CARD19: variants seen among roughly 807,000 people sequenced by gnomAD.
The protein encoded by CARD19 is caspase recruitment domain family member 19.
A neutral mutation model predicts 24.1 loss-of-function variants in CARD19; 25 were observed. The ratio of observed to expected loss-of-function variants is 1.04; its 90% CI spans 0.76 to 1.45. The LOEUF is 1.45. Ranked by LOEUF, CARD19 falls within the 40% of genes most tolerant of loss-of-function variation. The probability of loss-of-function intolerance (pLI) is 0.00; values close to 1 mark genes in which losing one functional copy is unlikely to be tolerated. For missense variants in CARD19, 241 were observed against 247.4 expected (o/e 0.97, Z 0.17); for synonymous variants, 103 against 104.9 (o/e 0.98, Z 0.11).
chr9:93,108,473 C>G (rs769176362), intron 2 of CARD19, among the ~76,000 whole-genome samples: 32 of 152,070 alleles, frequency 2.1e-4, no homozygotes, highest in Non-Finnish European at 2.9e-5. Flanking sequence ...CCTCAGAACC[C>G]CAGCCTCCCC....
intron 1 of CARD19, among the ~76,000 whole-genome samples, chr9:93,105,860 C>A (rs772809944): frequency 6.7e-4 from 102 of 152,040 alleles, no homozygotes; most frequent in Non-Finnish European, 1.0e-3. Context: ...GTCCTGTTTC[C>A]TCATTTATCT....
In CARD19 at chr9:93,096,250, C is replaced by A. The variant is rs1055321855; in HGVS notation, c.-96C>A. ...GCGGGCGAGCACGGCCCGCGGGCGGCGTTCGCTGGAGCTGGTGGACCGGGC... is the reference window on the plus strand; with the variant it reads ...GCGGGCGAGCACGGCCCGCGGGCGGAGTTCGCTGGAGCTGGTGGACCGGGC... On this transcript the variant is annotated 5_prime_UTR_variant, in exon 1 of 6. Coordinates refer to ENST00000375464, the MANE Select transcript of CARD19 (RefSeq NM_032310.5). This position sits in a 1 kb window ranked among gnomAD's most constrained non-coding sequence, Gnocchi z 5.4. 4.7e-5 allele frequency: 56 copies of A among 1,181,068 alleles called. No individual in the cohort carries two copies. Among genetic ancestry groups the A allele is most frequent in the Non-Finnish European group, 5.9e-5 (56 of 944,908 alleles). 73.2% of individuals were successfully genotyped at this position (1,181,068 alleles called of 1,614,324 possible).
intron 1 of CARD19, among the ~76,000 whole-genome samples, chr9:93,102,806 C>T (rs1450910119): frequency 6.6e-6 from 1 of 152,140 alleles, no homozygotes; most frequent in African/African-American, 2.4e-5. Context: ...GTAGTGCTTG[C>T]AGCAATGTTT....
At chr9:93,107,104 G>A (rs1587645584) in intron 1 of CARD19, among the ~76,000 whole-genome samples, 1 of 152,256 alleles carries the variant, frequency 6.6e-6, no homozygotes, top group Non-Finnish European at 1.5e-5. Flanking sequence ...GTGTCCCATG[G>A]TGATCCCAGC....
chr9:93,100,224 G>A (rs980153643), intron 1 of CARD19, among the ~76,000 whole-genome samples: 1 of 152,268 alleles, frequency 6.6e-6, no homozygotes, highest in Admixed American at 6.5e-5. Flanking sequence ...ACATGACAAA[G>A]TAAAACAGTC....
Position 93,096,219 on chromosome 9 carries a change from A to G in CARD19, c.-127A>G. 1.9e-6 allele frequency: 2 copies of G among 1,051,128 alleles called. No individual in the cohort carries two copies. 65.1% of individuals were successfully genotyped at this position (1,051,128 alleles called of 1,614,324 possible). A position where few individuals can be genotyped will look rare whatever the true frequency, so the allele number is the denominator to read the frequency against. On this transcript the variant is annotated 5_prime_UTR_variant, in exon 1 of 6. Transcript: ENST00000375464. The surrounding 1 kb of genome is among the most constrained non-coding windows in gnomAD (Gnocchi z 5.4). ...CAAAGCCGGGGGGCTGGCCTAGCCA[A>G]AAGGGGCGGGCGAGCACGGCCCGCG...
chr9:93,099,565 G>A (rs773204197), intron 1 of CARD19, among the ~76,000 whole-genome samples: 5 of 152,204 alleles, frequency 3.3e-5, no homozygotes, highest in African/African-American at 4.8e-5. Flanking sequence ...TGTAGGTGAC[G>A]TAGGGCTCAC....
Position 93,096,334 on chromosome 9 carries a change from GT to G in CARD19, c.-11del. ...ACCGCTGGGGACTGCGGGCGGCGCTGTGTCCGTCGCCATGACAGGTGGGCAC... is the reference window on the plus strand; with the variant it reads ...ACCGCTGGGGACTGCGGGCGGCGCTGGTCCGTCGCCATGACAGGTGGGCAC... On this transcript the variant is annotated 5_prime_UTR_variant, in exon 1 of 6. Coordinates refer to ENST00000375464, the MANE Select transcript of CARD19 (RefSeq NM_032310.5). This position sits in a 1 kb window ranked among gnomAD's most constrained non-coding sequence, Gnocchi z 5.4. The G allele has an allele frequency of 8.2e-7, 1 of 1,225,914 alleles. No individual in the cohort carries two copies. Among genetic ancestry groups the G allele is most frequent in the East Asian group, 3.2e-5 (1 of 31,246 alleles). The allele number at this position is 1,225,914 out of a possible 1,614,324, so 75.9% of individuals were successfully genotyped here. A position where few individuals can be genotyped will look rare whatever the true frequency, so the allele number is the denominator to read the frequency against.
intron 1 of CARD19, among the ~76,000 whole-genome samples, chr9:93,100,183 C>G (rs545754831): frequency 1.4e-4 from 22 of 152,298 alleles, no homozygotes; most frequent in Admixed American, 1.2e-3. Flanking sequence ...TACAGAAAGA[C>G]CAGCCAGGAG....
At chr9:93,107,605 C>T in intron 1 of CARD19, 69 bp from the exon 2 acceptor site, 1 of 1,570,640 alleles carries the variant, frequency 6.4e-7, no homozygotes, top group Non-Finnish European at 8.7e-7. Flanking sequence ...TGGTCAGTGT[C>T]AGTACGAGGC....
intron 3 of CARD19, 47 bp from the exon 4 acceptor site, chr9:93,111,832 T>C (rs1246340044): frequency 1.3e-6 from 2 of 1,597,142 alleles, no homozygotes; most frequent in East Asian, 2.3e-5. Flanking sequence ...TACCTTGCCC[T>C]CCGGCCCTGC....
In CARD19 at chr9:93,111,898, G is replaced by C. The variant is rs747635430; in HGVS notation, c.324G>C (p.Glu108Asp). The C allele has an allele frequency of 7.4e-6, 12 of 1,611,848 alleles. No homozygotes were observed. The highest frequency in any genetic ancestry group is 9.3e-6 in the Non-Finnish European group (11 of 1,179,830). The change falls in exon 4 of 6, where the codon GAG (glutamate) becomes GAC (aspartate). Residue 108 changes from glutamate (E) to aspartate (D), a missense_variant. Physicochemically the swap from Glu to Asp is conservative, Grantham distance 45. Coordinates refer to ENST00000375464, the MANE Select transcript of CARD19 (RefSeq NM_032310.5). Reference protein sequence around the residue: ...RHALQNSDCTELDSGSQSGEL... With the variant: ...RHALQNSDCTDLDSGSQSGEL... Reference sequence around the variant, plus strand: ...TTCCAGAGAACTCAGATTGCACAGAGCTAGACTCGGGCAGCCAGAGCGGCG... The same window carrying C: ...TTCCAGAGAACTCAGATTGCACAGACCTAGACTCGGGCAGCCAGAGCGGCG...
intron 3 of CARD19, chr9:93,111,481 C>A (rs1216727901): frequency 9.2e-7 from 1 of 1,089,168 alleles, no homozygotes; most frequent in Non-Finnish European, 1.1e-6. Context: ...TCTCTGACCC[C>A]CTGGAGGCCT....
At chr9:93,105,525 C>CAT (rs1827223293) in intron 1 of CARD19, among the ~76,000 whole-genome samples, 1 of 152,170 alleles carries the variant, frequency 6.6e-6, no homozygotes, top group Admixed American at 6.5e-5. Context: ...AAGTGATCTG[C>CAT]CTGCCTTAGC....
intron 5 of CARD19, 47 bp downstream of exon 5, chr9:93,112,336 C>T: frequency 6.6e-7 from 1 of 1,507,312 alleles, no homozygotes; most frequent in Non-Finnish European, 8.9e-7. Context: ...CTCCCCTCTG[C>T]CACCAAGCCA....
At chr9:93,097,822 G>A (rs894968550) in intron 1 of CARD19, among the ~76,000 whole-genome samples, 2 of 152,234 alleles carry the variant, frequency 1.3e-5, no homozygotes, top group African/African-American at 2.4e-5. Context: ...CTGACTATAG[G>A]CCTCACCTTG....
intron 1 of CARD19, among the ~76,000 whole-genome samples, chr9:93,106,580 A>AAAC (rs1827268271): frequency 6.6e-6 from 1 of 150,826 alleles, no homozygotes; most frequent in African/African-American, 2.5e-5. Flanking sequence ...AAAAAAACAA[A>AAAC]AAAAAAAAAA....
intron 1 of CARD19, among the ~76,000 whole-genome samples, chr9:93,104,127 G>A (rs890399174): frequency 6.6e-6 from 1 of 151,980 alleles, no homozygotes; most frequent in African/African-American, 2.4e-5. Flanking sequence ...ATTGATTTTT[G>A]ATTTGTACAT....
At chr9:93,105,144 G>A (rs1026940056) in intron 1 of CARD19, among the ~76,000 whole-genome samples, 1 of 151,624 alleles carries the variant, frequency 6.6e-6, no homozygotes, top group African/African-American at 2.4e-5. Flanking sequence ...CATCCCTTAG[G>A]TTTTAGCGCG....
Sources: gnomAD v4.1 joint callset for allele counts (sites outside exome capture counted in the v4.1 genomes callset) on GRCh38, gnomAD v4.1.1 for gene constraint, Gnocchi (gnomAD v3.1) non-coding constraint, MANE v1.5 for transcripts, NCBI Gene and HGNC (gene_info 2026-07-23, HGNC 2026-07-21) for gene names.